The following GOLPH3L variants were observed in gnomAD, a reference collection of about 807,000 sequenced individuals.
GOLPH3L encodes the protein Golgi phosphoprotein 3-like.
GOLPH3L carries 22 observed loss-of-function variants against 30.3 expected under a neutral mutation model. The observed-to-expected ratio is 0.73, with a 90% CI of 0.52 to 1.04. GOLPH3L has a LOEUF of 1.04. GOLPH3L is among the 50% of genes least tolerant of loss of function. GOLPH3L has a pLI of 0.00. For synonymous variants in GOLPH3L, 120 were observed against 128.2 expected (o/e 0.94, Z 0.43); for missense variants, 303 against 345.8 (o/e 0.88, Z 0.98).
At chr1:150,682,671 C>T (rs1650984922) in intron 2 of GOLPH3L, among the ~76,000 whole-genome samples, 2 of 144,588 alleles carry the variant, frequency 1.4e-5, no homozygotes, top group Non-Finnish European at 3.0e-5. Flanking sequence ...ATGTAGATCT[C>T]TGTCTGAATT....
chr1:150,693,797 A>ATG (rs796936730), intron 2 of GOLPH3L, among the ~76,000 whole-genome samples: 4,238 of 60,542 alleles, frequency 0.07, 233 homozygotes, highest in African/African-American at 0.11. Context: ...TTGTTTATGT[A>ATG]TGTGTGTGTG....
intron 1 of GOLPH3L, 139 bp from the exon 2 acceptor site, chr1:150,694,989 C>A: frequency 1.7e-6 from 1 of 588,946 alleles, no homozygotes; most frequent in Non-Finnish European, 2.9e-6. Context: ...GGAGTAATGA[C>A]CAGAAAAAAA....
rs1417188495 is a variant in GOLPH3L at position 150,694,065 on chromosome 1, G to T, written c.183+591C>A. The T allele has an allele frequency of 8.4e-6, 3 of 356,514 alleles. 1 individual carries two copies. The highest frequency in any genetic ancestry group is 6.9e-5 in the Admixed American group (2 of 29,084). The allele number at this position is 356,514 out of a possible 1,614,324, so 22.1% of individuals were successfully genotyped here. ...GTAGAGACGGGGTTTCACCATGTTG[G>T]CCAGGCTAGTCTTGAACTCCTGGCC... On this transcript the variant is annotated intron_variant, in intron 2 of 4. Coordinates refer to ENST00000271732, the MANE Select transcript of GOLPH3L (RefSeq NM_018178.6).
At chr1:150,661,973 T>A (rs1376162683) in intron 3 of GOLPH3L, 45 bp from the exon 4 acceptor site, 3 of 858,676 alleles carry the variant, frequency 3.5e-6, no homozygotes, top group Non-Finnish European at 6.1e-6. Context: ...CTTCACTTCA[T>A]TCAAGTTAAA....
At chr1:150,676,418 TATA>T (rs1650778410) in intron 2 of GOLPH3L, among the ~76,000 whole-genome samples, 1 of 151,934 alleles carries the variant, frequency 6.6e-6, no homozygotes, top group Admixed American at 6.6e-5. Flanking sequence ...CCAGCTACTA[TATA>T]ATTTCATCCA....
chr1:150,675,486 C>T (rs1461762158), intron 2 of GOLPH3L, among the ~76,000 whole-genome samples: 1 of 152,004 alleles, frequency 6.6e-6, no homozygotes, highest in South Asian at 2.1e-4. Context: ...TCTCCCAACC[C>T]CAATTCTGGG....
At chr1:150,663,911 AT>A (rs1650433588) in intron 2 of GOLPH3L, 148 bp from the exon 3 acceptor site, 1 of 533,288 alleles carries the variant, frequency 1.9e-6, no homozygotes, top group Non-Finnish European at 3.3e-6. Flanking sequence ...TGTTTCTTTA[AT>A]CCTCTTAAAC....
intron 2 of GOLPH3L, among the ~76,000 whole-genome samples, chr1:150,671,966 A>G (rs1650656162): frequency 6.6e-6 from 1 of 152,154 alleles, no homozygotes; most frequent in Non-Finnish European, 1.5e-5. Context: ...CAGGATTATT[A>G]CAATGATATA....
chr1:150,652,710 T>C (rs77016685), intron 4 of GOLPH3L, among the ~76,000 whole-genome samples: 2,426 of 152,236 alleles, frequency 0.016, 24 homozygotes, highest in Middle Eastern at 0.034. Flanking sequence ...ATAATTGTTA[T>C]TGTTGAGTTA....
chr1:150,693,817 G>A (rs1299077055), intron 2 of GOLPH3L, among the ~76,000 whole-genome samples: 5 of 62,812 alleles, frequency 8.0e-5, no homozygotes, highest in African/African-American at 4.6e-4. Context: ...GTGTGTGTGT[G>A]TGTATATATA....
At position 150,667,889 on chromosome 1, in the gene GOLPH3L, C is replaced by T. The variant is rs181930655; in HGVS notation, c.184-4126G>A. 3.2e-3 allele frequency among the ~76,000 whole-genome samples: 491 copies of T among 152,222 alleles called. 4 individuals carry two copies. Among genetic ancestry groups the T allele is most frequent in the African/African-American group, 0.011 (467 of 41,546 alleles). ...GATTACAGGAGTGAGCCACCACGCC[C>T]GGCCCACTAGTCTTTTCTTTGGCCT... On this transcript the variant is annotated intron_variant, in intron 2 of 4. Transcript: ENST00000271732.
intron 2 of GOLPH3L, among the ~76,000 whole-genome samples, chr1:150,686,013 T>A (rs1275291765): frequency 6.6e-6 from 1 of 151,596 alleles, no homozygotes; most frequent in Admixed American, 6.6e-5. Flanking sequence ...TAGCTGAGAT[T>A]ACAGGTGCGT....
Position 150,663,620 on chromosome 1 carries a change from A to G in GOLPH3L, c.315+12T>C. 2 of 1,601,064 alleles carry G rather than the reference A, an allele frequency of 1.2e-6. No homozygotes were observed. The highest frequency in any genetic ancestry group is 2.3e-5 in the East Asian group (1 of 44,426). ...TTCCATAAGCCATGGACGTTCACAG[A>G]GGATTCAGTACCTTTCTGTCTAGTA... On this transcript the variant is annotated intron_variant, in intron 3 of 4. Coordinates refer to ENST00000271732, the MANE Select transcript of GOLPH3L (RefSeq NM_018178.6).
intron 2 of GOLPH3L, among the ~76,000 whole-genome samples, chr1:150,666,146 G>A (rs140538573): frequency 4.5e-4 from 68 of 152,074 alleles, no homozygotes; most frequent in African/African-American, 1.6e-3. Context: ...ATTCTGTTTG[G>A]TATATGTTGT....
intron 2 of GOLPH3L, among the ~76,000 whole-genome samples, chr1:150,666,168 CTG>C (rs1650495089): frequency 6.6e-6 from 1 of 152,130 alleles, no homozygotes; most frequent in African/African-American, 2.4e-5. Context: ...CTTCCCATAA[CTG>C]TGGTTTCATT....
chr1:150,675,973 T>G, intron 2 of GOLPH3L, among the ~76,000 whole-genome samples: 1 of 136,500 alleles, frequency 7.3e-6, no homozygotes, highest in African/African-American at 2.6e-5. Context: ...CCTCCCTCCC[T>G]TCCTTTTTTT....
chr1:150,671,438 C>T (rs1252793298), intron 2 of GOLPH3L, among the ~76,000 whole-genome samples: 1 of 152,066 alleles, frequency 6.6e-6, no homozygotes. Flanking sequence ...CTTCCTTATT[C>T]AAACTTCCTT....
chr1:150,649,275 TC>T (rs1200623659), intron 4 of GOLPH3L, among the ~76,000 whole-genome samples: 4 of 152,168 alleles, frequency 2.6e-5, no homozygotes, highest in Non-Finnish European at 5.9e-5. Context: ...AACACCTCTT[TC>T]CCCCAGCACC....
chr1:150,658,686 C>T (rs1190546939), intron 4 of GOLPH3L, among the ~76,000 whole-genome samples: 5 of 152,164 alleles, frequency 3.3e-5, no homozygotes, highest in Non-Finnish European at 4.4e-5. Flanking sequence ...TCTCAGTTTG[C>T]GTGTCATGGC....
Sources: allele counts gnomAD v4.1 joint callset (sites outside exome capture counted in the v4.1 genomes callset), GRCh38; gene constraint gnomAD v4.1.1; transcripts MANE v1.5; gene names NCBI Gene and HGNC (gene_info 2026-07-23, HGNC 2026-07-21).